The following COL4A2 variants were observed in gnomAD, a reference collection of about 807,000 sequenced individuals.
COL4A2 encodes collagen type IV alpha 2 chain.
A neutral mutation model predicts 200.2 loss-of-function variants in COL4A2; 99 were observed. The ratio of observed to expected loss-of-function variants is 0.49; its 90% CI spans 0.42 to 0.58. COL4A2 has a LOEUF of 0.58. COL4A2 is among the 20% of genes least tolerant of loss of function. The pLI, the probability that COL4A2 is intolerant of heterozygous loss-of-function variation, is 0.00. For missense variants in COL4A2, 1,950 were observed against 2,314.1 expected (o/e 0.84, Z 3.23); for synonymous variants, 897 against 900.6 (o/e 1.00, Z 0.07).
intron 20 of COL4A2, among the ~76,000 whole-genome samples, chr13:110,453,270 G>A (rs1279600637): frequency 6.6e-6 from 1 of 152,012 alleles, no homozygotes; most frequent in African/African-American, 2.4e-5. Context: ...GGAAAGCCGA[G>A]GGGGGCCGAT....
At chr13:110,466,954 G>C in intron 26 of COL4A2, 86 bp from the exon 27 acceptor site, 3 of 1,562,578 alleles carry the variant, frequency 1.9e-6, no homozygotes, top group Non-Finnish European at 2.6e-6. Flanking sequence ...TGCACAGCTC[G>C]TGCTTTTGCC....
intron 4 of COL4A2, among the ~76,000 whole-genome samples, chr13:110,367,222 A>G (rs1877795501): frequency 6.6e-6 from 1 of 152,246 alleles, no homozygotes; most frequent in Non-Finnish European, 1.5e-5. Context: ...GTTGGGGTGA[A>G]TAACTCTTAG....
At chr13:110,361,899 G>T (rs971984239) in intron 4 of COL4A2, among the ~76,000 whole-genome samples, 3 of 152,218 alleles carry the variant, frequency 2.0e-5, no homozygotes, top group Non-Finnish European at 4.4e-5. Flanking sequence ...ATGTCCTGTA[G>T]TTCACGTACG....
rs369462083 is a variant in COL4A2 at position 110,465,522 on chromosome 13, C to T, written c.1894C>T (p.Arg632Cys). Reference sequence around the variant, plus strand: ...GGGCCTTCCCGGCCTCAAAGGCCAACGTGGTTTCCCTGGAGACGCCGGCTT... The same window carrying T: ...GGGCCTTCCCGGCCTCAAAGGCCAATGTGGTTTCCCTGGAGACGCCGGCTT... The part of the protein sequence containing the change: ...GLGLPGLKGQ[R>C]GFPGDAGLPG... Residue 632 changes from arginine (R) to cysteine (C), a missense_variant, in exon 25 of 48, where the codon CGT becomes TGT. Physicochemically the swap from Arg to Cys is radical, Grantham distance 180. Coordinates refer to ENST00000360467, the MANE Select transcript of COL4A2 (RefSeq NM_001846.4). The T allele has an allele frequency of 1.9e-5, 31 of 1,613,908 alleles. No individual in the cohort carries two copies. The highest frequency in any genetic ancestry group is 2.5e-5 in the Non-Finnish European group (30 of 1,180,026).
chr13:110,512,153 C>A lies in COL4A2; in HGVS notation c.5101C>A (p.His1701Asn). 6.2e-7 allele frequency: 1 copy of A among 1,613,296 alleles called. No individual in the cohort carries two copies. Among genetic ancestry groups the A allele is most frequent in the Non-Finnish European group, 8.5e-7 (1 of 1,179,994 alleles). ...GCTCAAGGCCGGCCTCATCCGCACA[C>A]ACATCAGCCGCTGCCAGGTGTGCAT... Reference protein sequence around the residue: ...DTLKAGLIRTHISRCQVCMKN... With the variant: ...DTLKAGLIRTNISRCQVCMKN... Residue 1701 changes from histidine to asparagine, a missense_variant, in exon 48 of 48, where the codon CAC becomes AAC. Coordinates refer to ENST00000360467, the MANE Select transcript of COL4A2 (RefSeq NM_001846.4).
intron 33 of COL4A2, 99 bp downstream of exon 33, chr13:110,485,126 C>T: frequency 9.0e-7 from 1 of 1,107,438 alleles, no homozygotes; most frequent in South Asian, 2.0e-5. Flanking sequence ...CCGTGCCCTC[C>T]ACCTGGCTTT....
At chr13:110,476,572 C>T (rs1022549991) in intron 29 of COL4A2, among the ~76,000 whole-genome samples, 1 of 152,164 alleles carries the variant, frequency 6.6e-6, no homozygotes, top group Non-Finnish European at 1.5e-5. Flanking sequence ...TCCTGTGCAC[C>T]CCCCTGGCTT....
In COL4A2 at chr13:110,478,274, A is replaced by G. The variant is rs1882769993; in HGVS notation, c.2587+110A>G. Reference sequence around the variant, plus strand: ...AAAGTCTGTTCCATGGAACCCCTTAAGAGGTGCAGGGGTTCCCAAACCAGA... The same window carrying G: ...AAAGTCTGTTCCATGGAACCCCTTAGGAGGTGCAGGGGTTCCCAAACCAGA... On this transcript the variant is annotated intron_variant, in intron 30 of 47. Coordinates refer to ENST00000360467, the MANE Select transcript of COL4A2 (RefSeq NM_001846.4). The G allele has an allele frequency of 3.5e-6, 4 of 1,154,244 alleles. No homozygotes were observed. The Admixed American group carries it at 1.4e-4, about 39-fold the overall frequency. The allele number at this position is 1,154,244 out of a possible 1,614,324, so 71.5% of individuals were successfully genotyped here. A position where few individuals can be genotyped will look rare whatever the true frequency, so the allele number is the denominator to read the frequency against.
Position 110,357,566 on chromosome 13 carries a change from T to A in COL4A2, c.180+14T>A. On this transcript the variant is annotated intron_variant, in intron 4 of 47. Transcript: ENST00000360467. ...AAAGGTGGACGTGTAAGTCACAGCA[T>A]TGCAATAAATAATATTATCTTCCTC... 6.4e-7 allele frequency: 1 copy of A among 1,565,000 alleles called. No homozygotes were observed. The highest frequency in any genetic ancestry group is 1.8e-5 in the Admixed American group (1 of 54,180).
At chr13:110,357,787 T>G (rs1247355304) in intron 4 of COL4A2, among the ~76,000 whole-genome samples, 1 of 152,182 alleles carries the variant, frequency 6.6e-6, no homozygotes, top group African/African-American at 2.4e-5. Flanking sequence ...CACAGTACTA[T>G]TTGTATATCT....
intron 12 of COL4A2, 129 bp from the exon 13 acceptor site, chr13:110,436,140 A>T: frequency 2.3e-6 from 3 of 1,325,188 alleles, no homozygotes; most frequent in Non-Finnish European, 3.2e-6. Flanking sequence ...TATACTGTAA[A>T]TAGGTATACA....
chr13:110,331,072 A>G (rs1023860280), intron 3 of COL4A2, among the ~76,000 whole-genome samples: 1 of 148,966 alleles, frequency 6.7e-6, no homozygotes. Context: ...CTTTTTTTTT[A>G]AAGGAAATTT....
At chr13:110,330,809 GA>G (rs1875875043) in intron 3 of COL4A2, among the ~76,000 whole-genome samples, 1 of 151,996 alleles carries the variant, frequency 6.6e-6, no homozygotes, top group Non-Finnish European at 1.5e-5. Flanking sequence ...CAGCAATTAA[GA>G]AGAGTTTGCT....
In COL4A2 at chr13:110,506,359, T is replaced by C. The variant is rs1380407391; in HGVS notation, c.4403-56T>C. 14 of 1,541,562 alleles carry C rather than the reference T, an allele frequency of 9.1e-6. No homozygotes were observed. In the African/African-American group the frequency reaches 1.9e-4, roughly 21 times the overall value. On this transcript the variant is annotated intron_variant, in intron 45 of 47. Transcript: ENST00000360467. ...TGCACCAGGCCGTCCACTCTCTCTC[T>C]TTCTCGGGCTGCAGGTGCACCAGGC...
chr13:110,379,505 A>C (rs545468757), intron 4 of COL4A2, among the ~76,000 whole-genome samples: 146 of 152,258 alleles, frequency 9.6e-4, no homozygotes, highest in Admixed American at 3.4e-3. Flanking sequence ...TTGAGGAGCC[A>C]GGGGCGCCGG....
Position 110,445,874 on chromosome 13 carries a change from G to A in COL4A2, c.1003G>A (p.Gly335Arg). ...DGYQGPDGPR[G>R]PKGEAGDPGP... ...CTATCAAGGGCCTGATGGACCCCGG[G>A]GACCCAAGGTGAGCCCGTTTCTCAT... Residue 335 changes from glycine (G) to arginine (R), a missense_variant, in exon 17 of 48, where the codon GGA (glycine) becomes AGA (arginine). Physicochemically the swap from Gly to Arg is moderately radical, Grantham distance 125. Coordinates refer to ENST00000360467, the MANE Select transcript of COL4A2 (RefSeq NM_001846.4). 6.2e-7 allele frequency: 1 copy of A among 1,614,180 alleles called. No individual in the cohort carries two copies. Among genetic ancestry groups the A allele is most frequent in the Non-Finnish European group, 8.5e-7 (1 of 1,180,020 alleles).
chr13:110,422,086 G>A lies in COL4A2; in HGVS notation c.181-2648G>A, dbSNP rs145308919. On this transcript the variant is annotated intron_variant, in intron 4 of 47. Transcript: ENST00000360467. ...CACTGGATAGATATGTAGTTTATGG[G>A]CAATAAAGCGACAGTCCTGATAAGA... Among the ~76,000 whole-genome samples the A allele has an allele frequency of 7.4e-3, 1,132 of 152,270 alleles. 12 individuals carry two copies. Among genetic ancestry groups the A allele is most frequent in the African/African-American group, 0.024 (1,018 of 41,566 alleles).
At chr13:110,399,426 A>G (rs1292318137) in intron 4 of COL4A2, among the ~76,000 whole-genome samples, 1 of 152,204 alleles carries the variant, frequency 6.6e-6, no homozygotes, top group African/African-American at 2.4e-5. Flanking sequence ...TTGGTCTGAG[A>G]ATGAAGAAGT....
chr13:110,481,111 CGTTGCTGG>C (rs1566559080), intron 31 of COL4A2, among the ~76,000 whole-genome samples: 11 of 32,592 alleles, frequency 3.4e-4, no homozygotes, highest in African/African-American at 5.3e-4. Flanking sequence ...TCTGTCCTTC[CGTTGCTGG>C]AGACACACAG....
Sources: gnomAD v4.1 joint callset for allele counts (sites outside exome capture counted in the v4.1 genomes callset) on GRCh38, gnomAD v4.1.1 for gene constraint, MANE v1.5 for transcripts, NCBI Gene and HGNC (gene_info 2026-07-23, HGNC 2026-07-21) for gene names.